CNTNAP4: variants seen among roughly 807,000 people sequenced by gnomAD.
CNTNAP4 encodes the protein contactin-associated protein-like 4.
Under a neutral mutation model 148.4 loss-of-function variants are expected in CNTNAP4, and 98 were observed. That is an observed-to-expected ratio of 0.66 (90% CI 0.56 to 0.78). CNTNAP4 has a LOEUF of 0.78. Ranked by LOEUF, CNTNAP4 falls within the 30% of genes least tolerant of loss-of-function variation. The pLI, the probability that CNTNAP4 is intolerant of heterozygous loss-of-function variation, is 0.00. For synonymous variants in CNTNAP4, 730 were observed against 565.1 expected (o/e 1.29, Z -4.14); for missense variants, 1,935 against 1,565.6 (o/e 1.24, Z -3.98).
rs1474849258 is a variant in CNTNAP4 at position 76,560,595 on chromosome 16, AG to A, written c.*1915del. ...TTAACCTCATTGGTAGCTGAACTCT[AG>A]GGAGGTTTATTGGTGAAGCCTCACA... On this transcript the variant is annotated 3_prime_UTR_variant, in exon 24 of 24. Coordinates refer to ENST00000611870, the MANE Select transcript of CNTNAP4 (RefSeq NM_033401.5). Among the ~76,000 whole-genome samples, 1 of 152,176 alleles carries A rather than the reference AG, an allele frequency of 6.6e-6. No homozygotes were observed. The highest frequency in any genetic ancestry group is 6.5e-5 in the Admixed American group (1 of 15,284).
At position 76,499,169 on chromosome 16, in the gene CNTNAP4, G is replaced by A. The variant is rs992269060; in HGVS notation, c.2365+475G>A. Among the ~76,000 whole-genome samples, 4 of 149,592 alleles carry A rather than the reference G, an allele frequency of 2.7e-5. No homozygotes were observed. In the East Asian group the frequency reaches 5.9e-4, roughly 22 times the overall value. On this transcript the variant is annotated intron_variant, in intron 15 of 23. Coordinates refer to ENST00000611870, the MANE Select transcript of CNTNAP4 (RefSeq NM_033401.5). ...TGCAAGCTCTGCCTCCTGGATTCAC[G>A]CCATTCTCCTGCCTCAGCCTCCTGC...
chr16:76,351,847 C>A (rs933615960), intron 2 of CNTNAP4, among the ~76,000 whole-genome samples: 1 of 152,202 alleles, frequency 6.6e-6, no homozygotes, highest in African/African-American at 2.4e-5. Flanking sequence ...ACTAGAATCA[C>A]ACTGATTCTT....
In CNTNAP4 at chr16:76,378,103, T is replaced by C. The variant is rs116115972; in HGVS notation, c.390+22592T>C. ...TCATTTTATAACAATATTAAGAGAG[T>C]TTCTTTTGTTTATTGGAGATTCTAA... On this transcript the variant is annotated intron_variant, in intron 3 of 23. Transcript: ENST00000611870. 4.5e-3 allele frequency among the ~76,000 whole-genome samples: 678 copies of C among 151,844 alleles called. 5 individuals are homozygous for C. Among genetic ancestry groups the C allele is most frequent in the African/African-American group, 0.016 (663 of 41,368 alleles).
intron 10 of CNTNAP4, among the ~76,000 whole-genome samples, chr16:76,475,014 G>A (rs2081514852): frequency 6.6e-6 from 1 of 152,154 alleles, no homozygotes; most frequent in Non-Finnish European, 1.5e-5. Flanking sequence ...AGACTCCAGA[G>A]CCAGGCGTGG....
rs1237064108 is a variant in CNTNAP4, at chr16:76,506,476, C to CT, written c.2365+7806dup. Among the ~76,000 whole-genome samples, 299 of 43,196 alleles carry CT rather than the reference C, an allele frequency of 6.9e-3. 25 individuals carry two copies. Among genetic ancestry groups the CT allele is most frequent in the Non-Finnish European group, 9.6e-3 (102 of 10,594 alleles). The allele number at this position is 43,196 out of a possible 152,430, so 28.3% of individuals were successfully genotyped here. On this transcript the variant is annotated intron_variant, in intron 15 of 23. Coordinates refer to ENST00000611870, the MANE Select transcript of CNTNAP4 (RefSeq NM_033401.5). The stretch of plus-strand genomic sequence containing the variant: ...CTCCCCTTCCGCTTCTCTTCCGTTC[C>CT]TTTTTTTTTTTTTTTTTTTTTTTTG...
intron 11 of CNTNAP4, among the ~76,000 whole-genome samples, chr16:76,477,937 A>C (rs1376452835): frequency 6.6e-6 from 1 of 152,210 alleles, no homozygotes; most frequent in Non-Finnish European, 1.5e-5. Context: ...TGATACAATA[A>C]TTGAGTTTCA....
intron 3 of CNTNAP4, among the ~76,000 whole-genome samples, chr16:76,390,430 A>C (rs746082128): frequency 5.9e-5 from 9 of 152,170 alleles, no homozygotes; most frequent in Non-Finnish European, 8.8e-5. Flanking sequence ...TTGCCAGGAC[A>C]CTTGTCTCCT....
intron 2 of CNTNAP4, among the ~76,000 whole-genome samples, chr16:76,322,423 G>T (rs994302353): frequency 2.0e-5 from 3 of 152,094 alleles, no homozygotes; most frequent in African/African-American, 7.2e-5. Flanking sequence ...CTTCTCTTTC[G>T]TATTCTTTCC....
chr16:76,318,122 C>G (rs978238632), intron 2 of CNTNAP4, among the ~76,000 whole-genome samples: 1 of 152,180 alleles, frequency 6.6e-6, no homozygotes, highest in African/African-American at 2.4e-5. Flanking sequence ...ATGGACCCAC[C>G]AGCAGGAATG....
At chr16:76,392,367 C>T (rs888097668) in intron 3 of CNTNAP4, among the ~76,000 whole-genome samples, 2 of 151,800 alleles carry the variant, frequency 1.3e-5, no homozygotes, top group African/African-American at 4.8e-5. Context: ...AAAGAAAAAC[C>T]AATATGAACT....
At chr16:76,513,985 G>T (rs957356333) in intron 15 of CNTNAP4, among the ~76,000 whole-genome samples, 2 of 152,054 alleles carry the variant, frequency 1.3e-5, no homozygotes, top group African/African-American at 4.8e-5. Context: ...TAAATAACTG[G>T]ACTCAAATTT....
intron 17 of CNTNAP4, among the ~76,000 whole-genome samples, chr16:76,531,319 C>G (rs906667047): frequency 1.3e-5 from 2 of 152,168 alleles, no homozygotes; most frequent in Non-Finnish European, 2.9e-5. Flanking sequence ...ACAATAACGT[C>G]TGTCGCTTAT....
At position 76,363,659 on chromosome 16, in the gene CNTNAP4, C is replaced by T. The variant is rs1244279459; in HGVS notation, c.390+8148C>T. 3.3e-5 allele frequency among the ~76,000 whole-genome samples: 5 copies of T among 152,108 alleles called. No individual in the cohort carries two copies. The South Asian group carries it at 8.3e-4, about 25-fold the overall frequency. The stretch of plus-strand genomic sequence containing the variant: ...AAATAAACAAGTGGAACTACGTCAA[C>T]AAAAACCTTCTGTATAGCATACAAC... On this transcript the variant is annotated intron_variant, in intron 3 of 23. Transcript: ENST00000611870.
chr16:76,309,869 C>T (rs1960904371), intron 1 of CNTNAP4: 2 of 701,522 alleles, frequency 2.9e-6, no homozygotes, highest in East Asian at 2.7e-5. Context: ...TCTCTTGCAG[C>T]CGCCATGATT....
At position 76,476,026 on chromosome 16, in the gene CNTNAP4, A is replaced by G. The variant is rs139871494; in HGVS notation, c.1743A>G (p.Arg581=). ...FHCNCTNTGY[R]GATCHNSIYE... is the part of the protein sequence containing the mutation. The stretch of plus-strand genomic sequence containing the variant: ...GTAACTGTACCAACACTGGTTACAG[A>G]GGAGCTACTTGCCATAACTGTAAGC... Residue 581 remains arginine, a synonymous_variant, in exon 11 of 24, where the codon AGA becomes AGG. Transcript: ENST00000611870. 2 of 1,611,732 alleles carry G rather than the reference A, an allele frequency of 1.2e-6. No individual in the cohort carries two copies. The highest frequency in any genetic ancestry group is 1.7e-6 in the Non-Finnish European group (2 of 1,177,972).
chr16:76,552,111 A>G (rs2084974769), intron 21 of CNTNAP4, among the ~76,000 whole-genome samples: 1 of 149,260 alleles, frequency 6.7e-6, no homozygotes, highest in Non-Finnish European at 1.5e-5. Flanking sequence ...GGGGAAGGAG[A>G]AGCAAAAACC....
chr16:76,355,494 C>A lies in CNTNAP4; in HGVS notation c.373C>A (p.Gln125Lys). 6.2e-7 allele frequency: 1 copy of A among 1,607,604 alleles called. No homozygotes were observed. Among genetic ancestry groups the A allele is most frequent in the Non-Finnish European group, 8.5e-7 (1 of 1,176,904 alleles). ...DSGWNWKQYR[Q>K]EDSIWGFSGN... ...TGGCTGGAACTGGAAACAATATCGC[C>A]AAGAGGACAGCATCTGGGTATGTTC... Residue 125 changes from glutamine to lysine, a missense_variant, in exon 3 of 24, where the codon CAA (glutamine) becomes AAA (lysine). By Grantham distance (53) the Gln-to-Lys change is moderately conservative. Transcript: ENST00000611870.
Position 76,538,201 on chromosome 16 carries a change from C to G in CNTNAP4, c.3081C>G (p.His1027Gln). ...TTTTAAGTAAAAACTCCAGCTCCCA[C>G]GCTGCTTCATTTCATGGTGATATGA... ...NYLLSKNSSS[H>Q]AASFHGDMKL... The change falls in exon 19 of 24, where the codon CAC (histidine) becomes CAG (glutamine). Residue 1027 changes from histidine to glutamine, a missense_variant. Coordinates refer to ENST00000611870, the MANE Select transcript of CNTNAP4 (RefSeq NM_033401.5). 1 of 1,608,146 alleles carries G rather than the reference C, an allele frequency of 6.2e-7. No individual in the cohort carries two copies. The highest frequency in any genetic ancestry group is 8.5e-7 in the Non-Finnish European group (1 of 1,177,864).
At chr16:76,307,513 T>TATATATATAC in intron 1 of CNTNAP4, among the ~76,000 whole-genome samples, 1 of 47,118 alleles carries the variant, frequency 2.1e-5, no homozygotes, top group Non-Finnish European at 5.1e-5. Flanking sequence ...CATATATATA[T>TATATATATAC]ATATATATAT....
Sources: gnomAD v4.1 joint callset for allele counts (sites outside exome capture counted in the v4.1 genomes callset) on GRCh38, gnomAD v4.1.1 for gene constraint, MANE v1.5 for transcripts, NCBI Gene and HGNC (gene_info 2026-07-23, HGNC 2026-07-21) for gene names.